APBA2: variants seen among roughly 807,000 people sequenced by gnomAD.
APBA2 encodes the protein amyloid beta precursor protein binding family A member 2.
APBA2 carries 30 observed loss-of-function variants against 75.0 expected under a neutral mutation model. The observed-to-expected ratio is 0.40, with a 90% CI of 0.30 to 0.54. The LOEUF (loss-of-function observed/expected upper bound fraction) is 0.54. Ranked by LOEUF, APBA2 falls within the 20% of genes least tolerant of loss-of-function variation. The pLI, the probability that APBA2 is intolerant of heterozygous loss-of-function variation, is 0.49. For missense variants in APBA2, 801 were observed against 1,016.1 expected, an observed-to-expected ratio of 0.79 and a Z score of 2.88; for synonymous variants, 444 against 409.6, an observed-to-expected ratio of 1.08 and a Z score of -1.01.
At chr15:29,002,278 C>T (rs192516468) in intron 3 of APBA2, among the ~76,000 whole-genome samples, 7 of 152,330 alleles carry the variant, frequency 4.6e-5, no homozygotes, top group East Asian at 3.9e-4. Flanking sequence ...GTCATGGAGA[C>T]GTTTTCTAAG....
intron 1 of APBA2, among the ~76,000 whole-genome samples, chr15:28,911,312 G>A (rs2033416063): frequency 6.6e-6 from 1 of 152,136 alleles, no homozygotes; most frequent in Non-Finnish European, 1.5e-5. Flanking sequence ...CAGCGGTTAG[G>A]TCTTGTTGGG....
At chr15:29,093,987 T>C (rs1423579157) in intron 7 of APBA2, among the ~76,000 whole-genome samples, 1 of 152,240 alleles carries the variant, frequency 6.6e-6, no homozygotes, top group Non-Finnish European at 1.5e-5. Context: ...ACCCTTGCCT[T>C]GCTCCGCTGC....
In APBA2 at chr15:28,960,760, CT is replaced by C. The variant is rs760299039; in HGVS notation, c.-94-34976del. Among the ~76,000 whole-genome samples the C allele has an allele frequency of 2.8e-3, 390 of 137,050 alleles. 1 individual carries two copies. The highest frequency in any genetic ancestry group is 3.8e-3 in the Middle Eastern group (1 of 262). The allele number at this position is 137,050 out of a possible 152,430, so 89.9% of individuals were successfully genotyped here. A position where few individuals can be genotyped will look rare whatever the true frequency, so the allele number is the denominator to read the frequency against. On this transcript the variant is annotated intron_variant, in intron 2 of 14. Transcript: ENST00000683413. Reference sequence around the variant, plus strand: ...GAGGAACCAGGATGCACCCATCATTCTTTTTTTTTTTTTTTTTGAGACGGAG... The same window carrying C: ...GAGGAACCAGGATGCACCCATCATTCTTTTTTTTTTTTTTTTGAGACGGAG...
At chr15:29,007,117 G>A (rs930200349) in intron 3 of APBA2, among the ~76,000 whole-genome samples, 1 of 152,154 alleles carries the variant, frequency 6.6e-6, no homozygotes, top group Non-Finnish European at 1.5e-5. Flanking sequence ...ACATATATGG[G>A]CAAATGATTT....
intron 11 of APBA2, among the ~76,000 whole-genome samples, chr15:29,105,891 C>T (rs1185354985): frequency 6.6e-6 from 1 of 152,248 alleles, no homozygotes; most frequent in Non-Finnish European, 1.5e-5. Flanking sequence ...GGGGCTCTGG[C>T]AGAGGAGGCT....
intron 2 of APBA2, among the ~76,000 whole-genome samples, chr15:28,946,403 C>A (rs996099004): frequency 6.6e-6 from 1 of 152,100 alleles, no homozygotes; most frequent in African/African-American, 2.4e-5. Context: ...TGAAGTGATG[C>A]ACTTTGAAGA....
chr15:29,037,345 G>A (rs1053248853), intron 3 of APBA2, among the ~76,000 whole-genome samples: 2 of 152,132 alleles, frequency 1.3e-5, no homozygotes, highest in African/African-American at 4.8e-5. Flanking sequence ...GGGTGGGTGT[G>A]TAGCCACCGT....
At chr15:29,014,093 T>A (rs1470640614) in intron 3 of APBA2, among the ~76,000 whole-genome samples, 1 of 152,214 alleles carries the variant, frequency 6.6e-6, no homozygotes, top group African/African-American at 2.4e-5. Flanking sequence ...TCATCCAGGG[T>A]TGAAAAGAGC....
intron 2 of APBA2, among the ~76,000 whole-genome samples, chr15:28,957,971 T>TCAGAGGAGCCGAGACAGGCGGGGGAG: frequency 6.6e-6 from 1 of 152,162 alleles, no homozygotes; most frequent in East Asian, 1.9e-4. Context: ...TGGGTTGAAG[T>TCAGAGGAGCCGAGACAGGCGGGGGAG]CAGAGGAGCC....
intron 4 of APBA2, among the ~76,000 whole-genome samples, chr15:29,070,069 GACTCAGCAAATA>G (rs1372215330): frequency 2.6e-5 from 4 of 152,178 alleles, no homozygotes; most frequent in Admixed American, 2.6e-4. Flanking sequence ...AGAGCTGATG[GACTCAGCAAATA>G]ACAGTATAGG....
intron 4 of APBA2, among the ~76,000 whole-genome samples, chr15:29,069,346 C>G (rs1242979304): frequency 1.3e-5 from 2 of 152,208 alleles, no homozygotes; most frequent in Non-Finnish European, 2.9e-5. Flanking sequence ...TGTGTAGACA[C>G]TTGCTTTCAG....
chr15:28,956,744 C>A (rs1286625086), intron 2 of APBA2, among the ~76,000 whole-genome samples: 2 of 152,166 alleles, frequency 1.3e-5, no homozygotes, highest in African/African-American at 4.8e-5. Context: ...CCTCCCCTCA[C>A]CCCCTGGCAC....
intron 1 of APBA2, among the ~76,000 whole-genome samples, chr15:28,900,910 A>G (rs2032810202): frequency 6.6e-6 from 1 of 152,228 alleles, no homozygotes; most frequent in Non-Finnish European, 1.5e-5. Context: ...GTCCACATGC[A>G]TGCGGCCCAC....
At chr15:29,053,590 G>A (rs935388373) in intron 3 of APBA2, among the ~76,000 whole-genome samples, 7 of 152,102 alleles carry the variant, frequency 4.6e-5, no homozygotes, top group East Asian at 1.9e-4. Flanking sequence ...GGGGAGAGGC[G>A]TGTGTCCTCG....
intron 3 of APBA2, among the ~76,000 whole-genome samples, chr15:29,029,583 G>T (rs2040386979): frequency 6.6e-6 from 1 of 152,104 alleles, no homozygotes; most frequent in East Asian, 1.9e-4. Context: ...AACCCCAGGG[G>T]GAGCATCATA....
At chr15:29,002,940 A>G (rs1261545725) in intron 3 of APBA2, among the ~76,000 whole-genome samples, 1 of 152,072 alleles carries the variant, frequency 6.6e-6, no homozygotes, top group Non-Finnish European at 1.5e-5. Context: ...TCTGCGAGAG[A>G]GGGGGAAGAC....
chr15:28,939,474 C>G (rs1453729947), intron 2 of APBA2, among the ~76,000 whole-genome samples: 1 of 152,158 alleles, frequency 6.6e-6, no homozygotes, highest in East Asian at 1.9e-4. Flanking sequence ...TCTATTATGC[C>G]AACAGTGTAC....
intron 3 of APBA2, among the ~76,000 whole-genome samples, chr15:29,039,226 AGACAGGGCCTTT>A (rs1191175592): frequency 1.3e-5 from 2 of 151,346 alleles, no homozygotes; most frequent in East Asian, 3.9e-4. Context: ...TGAGGGGGTC[AGACAGGGCCTTT>A]GAAGTTTTAT....
intron 3 of APBA2, among the ~76,000 whole-genome samples, chr15:29,016,954 A>AT (rs2039691675): frequency 6.6e-6 from 1 of 152,030 alleles, no homozygotes; most frequent in Non-Finnish European, 1.5e-5. Flanking sequence ...GGTGATTTAT[A>AT]TTTTTGTTTC....
Sources: gnomAD v4.1 joint callset for allele counts (sites outside exome capture counted in the v4.1 genomes callset) on GRCh38, gnomAD v4.1.1 for gene constraint, MANE v1.5 for transcripts, NCBI Gene and HGNC (gene_info 2026-07-23, HGNC 2026-07-21) for gene names.